The following SHB variants were observed in gnomAD, a reference collection of about 807,000 sequenced individuals.
SHB encodes SH2 domain-containing adapter protein B.
A neutral mutation model predicts 52.3 loss-of-function variants in SHB; 20 were observed. That is an observed-to-expected ratio of 0.38 (90% CI 0.27 to 0.56). The LOEUF is 0.56. SHB is among the 20% of genes least tolerant of loss of function. The pLI, the probability that SHB is intolerant of heterozygous loss-of-function variation, is 0.71. For synonymous variants in SHB, 397 were observed against 316.5 expected (o/e 1.25, Z -2.70); for missense variants, 825 against 723.3 (o/e 1.14, Z -1.61).
At chr9:38,035,193 G>GAATGAGAACC (rs1821468995) in intron 1 of SHB, among the ~76,000 whole-genome samples, 1 of 152,046 alleles carries the variant, frequency 6.6e-6, no homozygotes, top group Non-Finnish European at 1.5e-5. Context: ...TCAGAGAACA[G>GAATGAGAACC]AATGAGAACC....
chr9:37,952,183 G>A (rs987178307), intron 4 of SHB, among the ~76,000 whole-genome samples: 1 of 152,246 alleles, frequency 6.6e-6, no homozygotes, highest in African/African-American at 2.4e-5. Flanking sequence ...TCCAGATAGT[G>A]ACAAGGGTTA....
intron 1 of SHB, 29 bp from the exon 2 acceptor site, chr9:38,016,160 T>C (rs1821208718): frequency 6.2e-7 from 1 of 1,612,834 alleles, no homozygotes; most frequent in African/African-American, 1.3e-5. Flanking sequence ...CAGGTGTGAG[T>C]CCACCTTTGG....
chr9:37,996,692 CA>C (rs2118028626), intron 2 of SHB, among the ~76,000 whole-genome samples: 1 of 152,356 alleles, frequency 6.6e-6, no homozygotes, highest in Admixed American at 6.5e-5. Flanking sequence ...TTCAGCTCCT[CA>C]TTCAACACCC....
intron 3 of SHB, among the ~76,000 whole-genome samples, chr9:37,963,519 C>T (rs919590310): frequency 2.0e-5 from 3 of 152,148 alleles, no homozygotes; most frequent in Admixed American, 1.3e-4. Flanking sequence ...TGTTGGTTCA[C>T]GAATGTACAG....
rs1168663919 is a variant in SHB at position 38,050,552 on chromosome 9, A to G, written c.717+17377T>C. ...GAAGACACAAGAACGTATGAACAAA[A>G]TATATGTTTTGTTTCAGTACCCTTC... On this transcript the variant is annotated intron_variant, in intron 1 of 5. Transcript: ENST00000377707. Among the ~76,000 whole-genome samples the G allele has an allele frequency of 2.0e-5, 3 of 152,288 alleles. No homozygotes were observed. In the South Asian group the frequency reaches 6.2e-4, roughly 32 times the overall value.
intron 1 of SHB, among the ~76,000 whole-genome samples, chr9:38,061,349 C>T (rs1821889758): frequency 6.6e-6 from 1 of 151,946 alleles, no homozygotes; most frequent in South Asian, 2.1e-4. Context: ...ATACATCACC[C>T]CTACCACCAC....
At chr9:37,929,693 T>C (rs1832291704) in intron 5 of SHB, among the ~76,000 whole-genome samples, 1 of 152,240 alleles carries the variant, frequency 6.6e-6, no homozygotes, top group African/African-American at 2.4e-5. Context: ...GGCCCAGCTC[T>C]GTGGCCGGAT....
In SHB at chr9:38,020,820, TG is replaced by T. The variant is rs934005687; in HGVS notation, c.718-4690del. ...TGTCACCACCCTGAAAGTGACGGGG[TG>T]GGGGGGTGGCCCAACAGGGATCCTA... is the stretch of plus-strand genomic sequence containing the variant. On this transcript the variant is annotated intron_variant, in intron 1 of 5. Transcript: ENST00000377707. Among the ~76,000 whole-genome samples the T allele has an allele frequency of 9.2e-5, 14 of 151,944 alleles. No individual in the cohort carries two copies. In the East Asian group the frequency reaches 1.5e-3, roughly 17 times the overall value.
At chr9:37,956,342 TGGCACTGCCTTCGGGG>T (rs1832633964) in intron 3 of SHB, among the ~76,000 whole-genome samples, 1 of 152,078 alleles carries the variant, frequency 6.6e-6, no homozygotes, top group Admixed American at 6.5e-5. Flanking sequence ...GCGGGGGGCA[TGGCACTGCCTTCGGGG>T]GGCACTGCCT....
intron 4 of SHB, among the ~76,000 whole-genome samples, chr9:37,952,824 G>A (rs1289214463): frequency 6.6e-6 from 1 of 152,046 alleles, no homozygotes; most frequent in African/African-American, 2.4e-5. Context: ...CAAGTTTCGA[G>A]GAGAAGATCA....
At chr9:37,949,392 C>CAAAAAAAAAAAAAA (rs771495216) in intron 4 of SHB, among the ~76,000 whole-genome samples, 1 of 50,206 alleles carries the variant, frequency 2.0e-5, no homozygotes, top group African/African-American at 7.0e-5. Flanking sequence ...GACTCCATCT[C>CAAAAAAAAAAAAAA]AAAAAAAAAA....
intron 2 of SHB, among the ~76,000 whole-genome samples, chr9:37,995,844 A>T (rs2118026453): frequency 6.6e-6 from 1 of 152,096 alleles, no homozygotes; most frequent in Non-Finnish European, 1.5e-5. Context: ...GCACTCCCTT[A>T]CGTTTGCCAG....
chr9:38,045,267 G>A (rs1210089922), intron 1 of SHB, among the ~76,000 whole-genome samples: 1 of 152,184 alleles, frequency 6.6e-6, no homozygotes, highest in Non-Finnish European at 1.5e-5. Context: ...ACAGCCACAT[G>A]GGATATCAGG....
chr9:37,959,014 T>C (rs930365959), intron 3 of SHB, among the ~76,000 whole-genome samples: 17 of 152,106 alleles, frequency 1.1e-4, no homozygotes, highest in African/African-American at 3.9e-4. Flanking sequence ...CTAAAGAGCT[T>C]GGACTTGAAC....
intron 1 of SHB, among the ~76,000 whole-genome samples, chr9:38,040,010 A>T (rs1023604447): frequency 6.6e-6 from 1 of 152,268 alleles, no homozygotes; most frequent in Non-Finnish European, 1.5e-5. Context: ...GCGTGTTTAC[A>T]GCCGCCTAAT....
intron 1 of SHB, among the ~76,000 whole-genome samples, chr9:38,061,396 C>T (rs969288540): frequency 6.6e-6 from 1 of 152,058 alleles, no homozygotes; most frequent in Non-Finnish European, 1.5e-5. Context: ...GGTGTGTTGC[C>T]GTCAGCCAGC....
rs541688391 is a variant in SHB, at chr9:37,983,768, G to A, written c.839-8931C>T. On this transcript the variant is annotated intron_variant, in intron 2 of 5. Transcript: ENST00000377707. ...ATGGCTTTGCAGCCACCGGGGATCC[G>A]TGCCCGAGACGCCAGGGTTGCAGGT... Among the ~76,000 whole-genome samples, 18 of 152,348 alleles carry A rather than the reference G, an allele frequency of 1.2e-4. No individual in the cohort carries two copies. The South Asian group carries it at 2.9e-3, about 25-fold the overall frequency.
At chr9:38,067,540 AC>A (rs1384986047) in intron 1 of SHB, among the ~76,000 whole-genome samples, 1 of 152,110 alleles carries the variant, frequency 6.6e-6, no homozygotes, top group African/African-American at 2.4e-5. Flanking sequence ...TCAGTTTCCC[AC>A]CTACAGCGTG....
intron 1 of SHB, among the ~76,000 whole-genome samples, chr9:38,017,017 G>A (rs750446250): frequency 2.0e-4 from 30 of 152,208 alleles, no homozygotes; most frequent in Non-Finnish European, 2.8e-4. Context: ...AGAGACCACC[G>A]TTCCACGTTT....
Sources: gnomAD v4.1 joint callset for allele counts (sites outside exome capture counted in the v4.1 genomes callset) on GRCh38, gnomAD v4.1.1 for gene constraint, MANE v1.5 for transcripts, NCBI Gene and HGNC (gene_info 2026-07-23, HGNC 2026-07-21) for gene names.